The following TRAF2 variants were observed in gnomAD, a reference collection of about 807,000 sequenced individuals.
TRAF2 encodes the protein TNF receptor associated factor 2.
Under a neutral mutation model 55.6 loss-of-function variants are expected in TRAF2, and 6 were observed. That is an observed-to-expected ratio of 0.11 (90% CI 0.06 to 0.21). The LOEUF is 0.21. TRAF2 is among the 10% of genes least tolerant of loss of function. The pLI, the probability that TRAF2 is intolerant of heterozygous loss-of-function variation, is 1.00. For missense variants in TRAF2, 561 were observed against 684.5 expected (o/e 0.82, Z 2.01); for synonymous variants, 329 against 276.3 (o/e 1.19, Z -1.89).
chr9:136,898,654 G>A lies in TRAF2; in HGVS notation c.-28-59G>A, dbSNP rs950349414. ...CCTGCTACTGATCACCATTGGTTTG[G>A]TTTTGTCTCGAGGACTGTTCTGGAA... On this transcript the variant is annotated intron_variant, in intron 1 of 10. Coordinates refer to ENST00000247668, the MANE Select transcript of TRAF2 (RefSeq NM_021138.4). The A allele has an allele frequency of 6.3e-6, 10 of 1,591,262 alleles. No homozygotes were observed. The East Asian group carries it at 2.0e-4, about 32-fold the overall frequency.
At chr9:136,925,165 G>T (rs1252926840) in intron 10 of TRAF2, among the ~76,000 whole-genome samples, 1 of 152,216 alleles carries the variant, frequency 6.6e-6, no homozygotes, top group Non-Finnish European at 1.5e-5. Context: ...CCTATAGCTA[G>T]TGGAGTAGGC....
intron 1 of TRAF2, among the ~76,000 whole-genome samples, chr9:136,897,683 G>A (rs1849713186): frequency 7.0e-6 from 1 of 142,630 alleles, no homozygotes; most frequent in Non-Finnish European, 1.5e-5. Flanking sequence ...GGAAACCCGT[G>A]GTAGCTAAAG....
At chr9:136,891,879 A>T (rs1029611460) in intron 1 of TRAF2, among the ~76,000 whole-genome samples, 1 of 151,336 alleles carries the variant, frequency 6.6e-6, no homozygotes, top group Non-Finnish European at 1.5e-5. Flanking sequence ...GAGCCACTGC[A>T]CTCGGCTAAT....
chr9:136,925,835 A>G lies in TRAF2; in HGVS notation c.1440A>G (p.Ala480=), dbSNP rs753528354. 1 of 1,614,262 alleles carries G rather than the reference A, an allele frequency of 6.2e-7. No homozygotes were observed. The highest frequency in any genetic ancestry group is 1.1e-5 in the South Asian group (1 of 91,082). The stretch of plus-strand genomic sequence containing the variant: ...TCTGCCCCGTCTCCAAGATGGAGGC[A>G]AAGAATTCCTACGTGCGGGACGATG... ...PLFCPVSKME[A]KNSYVRDDAI... is the part of the protein sequence containing the mutation. Residue 480 remains alanine, a synonymous_variant, in exon 11 of 11, where the codon GCA becomes GCG. Transcript: ENST00000247668.
chr9:136,911,844 C>CTTT (rs1304459874), intron 6 of TRAF2, among the ~76,000 whole-genome samples: 78 of 50,340 alleles, frequency 1.5e-3, no homozygotes, highest in African/African-American at 8.2e-3. Flanking sequence ...TTTCTCTTAT[C>CTTT]TCTTTTTTTT....
At chr9:136,924,971 T>TCG (rs1564424036) in intron 10 of TRAF2, among the ~76,000 whole-genome samples, 3 of 152,206 alleles carry the variant, frequency 2.0e-5, no homozygotes, top group Non-Finnish European at 4.4e-5. Context: ...TCTCCTGACC[T>TCG]TGTGATCCGC....
chr9:136,891,883 G>A (rs1250145521), intron 1 of TRAF2, among the ~76,000 whole-genome samples: 7 of 151,634 alleles, frequency 4.6e-5, no homozygotes, highest in South Asian at 2.1e-4. Flanking sequence ...CACTGCACTC[G>A]GCTAATTTTG....
chr9:136,924,954 G>T (rs544791245), intron 10 of TRAF2, among the ~76,000 whole-genome samples: 1 of 152,230 alleles, frequency 6.6e-6, no homozygotes, highest in Non-Finnish European at 1.5e-5. Flanking sequence ...GGCCAGGCTG[G>T]TCTTGATCTC....
intron 4 of TRAF2, 95 bp from the exon 5 acceptor site, chr9:136,907,975 A>T: frequency 6.7e-7 from 1 of 1,489,256 alleles, no homozygotes; most frequent in Non-Finnish European, 9.0e-7. Flanking sequence ...GCGGACACCA[A>T]GCCAGCGCTA....
chr9:136,903,001 C>G (rs4437741), intron 4 of TRAF2, among the ~76,000 whole-genome samples: 5 of 152,136 alleles, frequency 3.3e-5, no homozygotes, highest in African/African-American at 1.2e-4. Context: ...CGGTCTTGCT[C>G]TGTTGTCCAG....
In TRAF2 at chr9:136,906,317, T is replaced by C. The variant is rs368818174; in HGVS notation, c.367-1753T>C. Among the ~76,000 whole-genome samples the C allele has an allele frequency of 2.7e-4, 41 of 152,092 alleles. 1 individual carries two copies. In the South Asian group the frequency reaches 8.1e-3, roughly 30 times the overall value. On this transcript the variant is annotated intron_variant, in intron 4 of 10. Transcript: ENST00000247668. ...AAATACCCGAGACTTGGGTAGTTTA[T>C]AAAGAAAAAGAGGTTGAATGGACTC... is the stretch of plus-strand genomic sequence containing the variant.
At chr9:136,911,989 A>G (rs938397197) in intron 6 of TRAF2, among the ~76,000 whole-genome samples, 3 of 150,414 alleles carry the variant, frequency 2.0e-5, no homozygotes, top group African/African-American at 7.3e-5. Context: ...AGCTGGGACT[A>G]CAGGCGCCTG....
intron 4 of TRAF2, among the ~76,000 whole-genome samples, chr9:136,902,660 T>G (rs1849848574): frequency 6.6e-6 from 1 of 152,178 alleles, no homozygotes; most frequent in Non-Finnish European, 1.5e-5. Context: ...TGCTCTGGAA[T>G]AACTTGGCTG....
chr9:136,909,915 T>A lies in TRAF2; in HGVS notation c.529-5T>A. The stretch of plus-strand genomic sequence containing the variant: ...CCCTCACACTCCTGATCCCTTCTTT[T>A]GAAGGCGCACCACGAGGTCTGCCCC... On this transcript the variant is annotated splice_polypyrimidine_tract_variant and splice_region_variant and intron_variant, in intron 5 of 10. Transcript: ENST00000247668. The A allele has an allele frequency of 1.2e-6, 2 of 1,614,146 alleles. No homozygotes were observed. Among genetic ancestry groups the A allele is most frequent in the Non-Finnish European group, 1.7e-6 (2 of 1,180,012 alleles).
chr9:136,926,094 G>T lies in TRAF2; in HGVS notation c.*193G>T. ...CACCAGCCAGTCCTCAGATTTCAGA[G>T]ACTGCGGAGGGGCTTGGCAGACGGT... is the stretch of plus-strand genomic sequence containing the variant. On this transcript the variant is annotated 3_prime_UTR_variant, in exon 11 of 11. Coordinates refer to ENST00000247668, the MANE Select transcript of TRAF2 (RefSeq NM_021138.4). 1.3e-6 allele frequency: 1 copy of T among 790,398 alleles called. No homozygotes were observed. 49.0% of individuals were successfully genotyped at this position (790,398 alleles called of 1,614,324 possible).
At chr9:136,890,375 A>G (rs924644332) in intron 1 of TRAF2, 2 of 152,214 alleles carry the variant, frequency 1.3e-5, no homozygotes, top group Non-Finnish European at 2.9e-5. Context: ...CTGACCCCTC[A>G]CGTCTCTTAT....
At chr9:136,884,786 T>C (rs145706298), upstream of TRAF2, among the ~76,000 whole-genome samples, 720 of 152,348 alleles carry the variant, frequency 4.7e-3, no homozygotes, top group Non-Finnish European at 8.2e-3. Flanking sequence ...GGTTTCGAAC[T>C]CATGGGCTCA....
At position 136,925,787 on chromosome 9, in the gene TRAF2, C is replaced by T. The variant is rs1564424601; in HGVS notation, c.1392C>T (p.Asn464=). Residue 464 remains asparagine (N), a synonymous_variant, in exon 11 of 11, where the codon AAC becomes AAT. Coordinates refer to ENST00000247668, the MANE Select transcript of TRAF2 (RefSeq NM_021138.4). ...SSFQRPVNDM[N]IASGCPLFCP... ...TTCAGAGGCCAGTCAACGACATGAA[C>T]ATCGCAAGCGGCTGCCCCCTCTTCT... is the stretch of plus-strand genomic sequence containing the variant. The T allele has an allele frequency of 1.2e-6, 2 of 1,614,262 alleles. No homozygotes were observed. Among genetic ancestry groups the T allele is most frequent in the East Asian group, 2.2e-5 (1 of 44,892 alleles).
upstream of TRAF2, among the ~76,000 whole-genome samples, chr9:136,884,173 C>G (rs1351301831): frequency 6.6e-6 from 1 of 151,360 alleles, no homozygotes; most frequent in Non-Finnish European, 1.5e-5. Context: ...GTCTCAAACT[C>G]CTGACCTCAG....
Sources: allele counts gnomAD v4.1 joint callset (sites outside exome capture counted in the v4.1 genomes callset), GRCh38; gene constraint gnomAD v4.1.1; transcripts MANE v1.5; gene names NCBI Gene and HGNC (gene_info 2026-07-23, HGNC 2026-07-21).